Variants in GPHN observed in about 807,000 individuals in gnomAD.
The protein encoded by GPHN is gephyrin.
A neutral mutation model predicts 95.5 loss-of-function variants in GPHN; 17 were observed. That is an observed-to-expected ratio of 0.18 (90% CI 0.12 to 0.27). The LOEUF (loss-of-function observed/expected upper bound fraction) is 0.27. GPHN is among the 10% of genes least tolerant of loss of function. GPHN has a pLI of 1.00. For missense variants in GPHN, 660 were observed against 978.1 expected (o/e 0.67, Z 4.34); for synonymous variants, 320 against 322.5 (o/e 0.99, Z 0.08).
chr14:67,485,385 G>A, the GPHN span, among the ~76,000 whole-genome samples: 3 of 152,168 alleles, frequency 2.0e-5, no homozygotes, highest in African/African-American at 7.2e-5. Context: ...CAGGCTGAGT[G>A]GAAAACAGAT....
chr14:67,439,581 CTTTCT>C, the GPHN span, among the ~76,000 whole-genome samples: 14 of 118,446 alleles, frequency 1.2e-4, no homozygotes, highest in Non-Finnish European at 1.8e-4. Context: ...TTCTTTCTTT[CTTTCT>C]TTCTTTCTTC....
intron 4 of GPHN, among the ~76,000 whole-genome samples, chr14:66,873,763 G>C (rs1486829905): frequency 1.3e-5 from 2 of 152,164 alleles, no homozygotes; most frequent in Non-Finnish European, 2.9e-5. Flanking sequence ...CCCCAGGCAG[G>C]GGCTTATAGA....
At position 66,508,483 on chromosome 14, in the gene GPHN, C is replaced by T; in HGVS notation, c.-45C>T. 6.3e-7 allele frequency: 1 copy of T among 1,594,242 alleles called. No individual in the cohort carries two copies. The stretch of plus-strand genomic sequence containing the variant: ...CTCCCGGCCCGCGCGCTCCGGGCTC[C>T]GGTTTCTCCCGGCTCCTGTCAGTGC... On this transcript the variant is annotated 5_prime_UTR_variant, in exon 1 of 23. Coordinates refer to ENST00000478722, the MANE Select transcript of GPHN (RefSeq NM_020806.5).
chr14:66,836,303 TCTGATCTTTGACAAAC>T (rs1256539141), intron 4 of GPHN, among the ~76,000 whole-genome samples: 1 of 137,588 alleles, frequency 7.3e-6, no homozygotes, highest in Non-Finnish European at 1.5e-5. Context: ...TCTACAACTA[TCTGATCTTTGACAAAC>T]CTGAGAAAAA....
the GPHN span, chr14:67,473,561 G>C: frequency 3.7e-6 from 6 of 1,613,434 alleles, no homozygotes; most frequent in African/African-American, 6.7e-5. This position sits in a 1 kb window ranked among gnomAD's most constrained non-coding sequence, Gnocchi z 6.5. Flanking sequence ...ACCAGGGCAC[G>C]GCGTACTCCA....
At chr14:67,009,983 T>C (rs2072875022) in intron 9 of GPHN, among the ~76,000 whole-genome samples, 1 of 151,890 alleles carries the variant, frequency 6.6e-6, no homozygotes, top group African/African-American at 2.4e-5. Flanking sequence ...GGTCTCGAAC[T>C]CCTGACCTCA....
At chr14:67,436,249 G>A in the GPHN span, among the ~76,000 whole-genome samples, 2 of 152,208 alleles carry the variant, frequency 1.3e-5, no homozygotes, top group African/African-American at 4.8e-5. Flanking sequence ...AGGATGCCAG[G>A]CCAGTAGGCG....
intron 1 of GPHN, among the ~76,000 whole-genome samples, chr14:66,519,600 A>T (rs1229464337): frequency 2.0e-5 from 3 of 152,142 alleles, no homozygotes; most frequent in Non-Finnish European, 4.4e-5. Flanking sequence ...AAGATAGAAC[A>T]TGCGTTCTTC....
chr14:67,211,667 G>A, the GPHN span, among the ~76,000 whole-genome samples: 4 of 152,032 alleles, frequency 2.6e-5, no homozygotes, highest in African/African-American at 4.8e-5. Flanking sequence ...TGGCTCACAC[G>A]CCTGTAATCC....
chr14:67,152,963 C>CA (rs58963986), intron 18 of GPHN, among the ~76,000 whole-genome samples: 46,988 of 139,678 alleles, frequency 0.34, 11,724 homozygotes, highest in African/African-American at 0.69. Context: ...GACTCCGTGT[C>CA]AAAAAAAAAA....
chr14:66,770,973 T>C (rs965071176), intron 2 of GPHN, among the ~76,000 whole-genome samples: 3 of 152,138 alleles, frequency 2.0e-5, no homozygotes, highest in African/African-American at 7.2e-5. Flanking sequence ...CCCGTATAGA[T>C]AAGAAAGGAC....
chr14:67,456,841 C>G, the GPHN span, among the ~76,000 whole-genome samples: 2 of 152,142 alleles, frequency 1.3e-5, no homozygotes, highest in Non-Finnish European at 2.9e-5. Flanking sequence ...ATGTTCATTA[C>G]AGCACTATTC....
the GPHN span, among the ~76,000 whole-genome samples, chr14:67,268,114 A>G: frequency 6.6e-6 from 1 of 152,210 alleles, no homozygotes; most frequent in Admixed American, 6.5e-5. Context: ...TCTCAGTCAT[A>G]TGGAAACTGT....
intron 3 of GPHN, among the ~76,000 whole-genome samples, chr14:66,819,692 A>T (rs1190297612): frequency 3.3e-5 from 5 of 151,944 alleles, no homozygotes; most frequent in Non-Finnish European, 2.9e-5. Flanking sequence ...TTTTTTAATG[A>T]TACATACAAA....
the GPHN span, among the ~76,000 whole-genome samples, chr14:67,400,558 T>C: frequency 6.6e-6 from 1 of 152,216 alleles, no homozygotes; most frequent in East Asian, 1.9e-4. Flanking sequence ...CTAGCAGGAC[T>C]GGTCTGGGAC....
chr14:67,033,094 C>G (rs2074264926), intron 10 of GPHN, among the ~76,000 whole-genome samples: 1 of 151,780 alleles, frequency 6.6e-6, no homozygotes, highest in African/African-American at 2.4e-5. Flanking sequence ...TAAAAAAGAA[C>G]CAAAGAGAAA....
At chr14:67,126,447 G>A (rs576689303) in intron 17 of GPHN, among the ~76,000 whole-genome samples, 3 of 152,302 alleles carry the variant, frequency 2.0e-5, no homozygotes, top group South Asian at 4.1e-4. Flanking sequence ...GAATGAGTAG[G>A]ATTTAGATAG....
the GPHN span, among the ~76,000 whole-genome samples, chr14:67,235,629 G>A: frequency 6.6e-6 from 1 of 152,016 alleles, no homozygotes; most frequent in Non-Finnish European, 1.5e-5. Context: ...GCAGCAGAAT[G>A]GCGTGAACCC....
chr14:67,052,221 G>A (rs1468121347), intron 10 of GPHN, among the ~76,000 whole-genome samples: 3 of 152,062 alleles, frequency 2.0e-5, no homozygotes, highest in East Asian at 3.8e-4. Context: ...CCCATCTCAT[G>A]TGCAAAGACA....
Sources: gnomAD v4.1 joint callset for allele counts (sites outside exome capture counted in the v4.1 genomes callset) on GRCh38, gnomAD v4.1.1 for gene constraint, Gnocchi (gnomAD v3.1) non-coding constraint, MANE v1.5 for transcripts, NCBI Gene and HGNC (gene_info 2026-07-23, HGNC 2026-07-21) for gene names.